Variants in ELL2 observed in about 807,000 individuals in gnomAD.
ELL2 encodes the protein RNA polymerase II elongation factor ELL2.
Under a neutral mutation model 72.8 loss-of-function variants are expected in ELL2, and 21 were observed. The observed-to-expected ratio is 0.29, with a 90% CI of 0.20 to 0.42. The LOEUF is 0.42. ELL2 is among the 10% of genes least tolerant of loss of function. The pLI is 1.00. For missense variants in ELL2, 568 were observed against 772.8 expected (o/e 0.73, Z 3.14); for synonymous variants, 266 against 283.2 (o/e 0.94, Z 0.61).
chr5:95,891,006 AC>A (rs763923507), intron 10 of ELL2, 96 bp downstream of exon 10: 3 of 1,437,586 alleles, frequency 2.1e-6, no homozygotes, highest in South Asian at 2.3e-5. Context: ...AAGAGTACTT[AC>A]TCTAAAGGCC....
At chr5:95,928,701 G>C (rs539538080) in intron 2 of ELL2, among the ~76,000 whole-genome samples, 1 of 151,978 alleles carries the variant, frequency 6.6e-6, no homozygotes, top group African/African-American at 2.4e-5. Flanking sequence ...CTTGGTTTTC[G>C]ACCTCCACTT....
chr5:95,895,841 A>G, intron 8 of ELL2, 150 bp from the exon 9 acceptor site: 1 of 707,700 alleles, frequency 1.4e-6, no homozygotes, highest in East Asian at 2.7e-5. Context: ...AAGGAATACA[A>G]TTGAACATGA....
chr5:95,939,143 A>T (rs575667519), intron 2 of ELL2, among the ~76,000 whole-genome samples: 1 of 152,378 alleles, frequency 6.6e-6, no homozygotes, highest in Admixed American at 6.5e-5. Context: ...TATTGCCAAG[A>T]TGTGACATTT....
At chr5:95,946,484 C>T (rs1056926402) in intron 1 of ELL2, among the ~76,000 whole-genome samples, 11 of 152,138 alleles carry the variant, frequency 7.2e-5, no homozygotes, top group Non-Finnish European at 1.2e-4. Flanking sequence ...ATGGCTTTTT[C>T]CCTTCCTTGA....
chr5:95,919,538 T>C lies in ELL2; in HGVS notation c.203A>G (p.Lys68Arg), dbSNP rs778166186. 2.1e-5 allele frequency: 33 copies of C among 1,565,650 alleles called. No homozygotes were observed. Among genetic ancestry groups the C allele is most frequent in the East Asian group, 7.1e-5 (3 of 42,216 alleles). ...IQFQGLHGLV[K>R]IPKNDPLNEV... ...ATTGAGGGGATCATTTTTGGGAATT[T>C]TGACAAGCTAAAATGAGGGGAAAAG... The change falls in exon 3 of 12, where the codon AAA (lysine) becomes AGA (arginine). Residue 68 changes from lysine (K) to arginine (R), a missense_variant. This residue lies in a region of ELL2 where 511 missense variants were observed against 728.4 expected (regional missense o/e 0.70). Coordinates refer to ENST00000237853, the MANE Select transcript of ELL2 (RefSeq NM_012081.6).
chr5:95,938,853 C>T (rs1750870712), intron 2 of ELL2, among the ~76,000 whole-genome samples: 1 of 152,088 alleles, frequency 6.6e-6, no homozygotes. Context: ...ATAACAAATA[C>T]TGAGTTAATA....
At position 95,930,909 on chromosome 5, in the gene ELL2, A is replaced by AT. The variant is rs11320626; in HGVS notation, c.196-11365dup. Among the ~76,000 whole-genome samples, 85 of 150,782 alleles carry AT rather than the reference A, an allele frequency of 5.6e-4. No homozygotes were observed. The East Asian group carries it at 8.2e-3, about 14-fold the overall frequency. On this transcript the variant is annotated intron_variant, in intron 2 of 11. Coordinates refer to ENST00000237853, the MANE Select transcript of ELL2 (RefSeq NM_012081.6). ...GTAAAAATATGCACCATTTTGTGCC[A>AT]TTTTTTTTTTATGAGAATTGGTGCC...
At chr5:95,958,873 A>G (rs1227506800) in intron 1 of ELL2, among the ~76,000 whole-genome samples, 1 of 151,994 alleles carries the variant, frequency 6.6e-6, no homozygotes, top group African/African-American at 2.4e-5. Flanking sequence ...AAACAAAGAC[A>G]TTGACGACTT....
chr5:95,895,746 T>G (rs1372184361), intron 8 of ELL2, 55 bp from the exon 9 acceptor site: 1 of 1,322,910 alleles, frequency 7.6e-7, no homozygotes, highest in Non-Finnish European at 1.1e-6. Flanking sequence ...GGTTATCAAA[T>G]GCCTGTAATT....
At chr5:95,893,705 G>C (rs2112268843) in intron 9 of ELL2, among the ~76,000 whole-genome samples, 1 of 152,272 alleles carries the variant, frequency 6.6e-6, no homozygotes. Flanking sequence ...AGGTTTTATA[G>C]TATATCCCTT....
intron 1 of ELL2, among the ~76,000 whole-genome samples, chr5:95,954,638 C>T (rs1751563311): frequency 8.6e-6 from 1 of 116,678 alleles, no homozygotes; most frequent in Admixed American, 1.1e-4. Context: ...GACAGGGTTT[C>T]ACCGTGTTAG....
intron 2 of ELL2, among the ~76,000 whole-genome samples, chr5:95,941,237 TA>T (rs1319478832): frequency 2.0e-5 from 3 of 152,094 alleles, no homozygotes; most frequent in Non-Finnish European, 4.4e-5. Flanking sequence ...CATTTATATC[TA>T]AATTGCTTCC....
At chr5:95,946,487 T>C (rs929685651) in intron 1 of ELL2, among the ~76,000 whole-genome samples, 6 of 152,184 alleles carry the variant, frequency 3.9e-5, no homozygotes, top group Admixed American at 3.3e-4. Flanking sequence ...GCTTTTTCCC[T>C]TCCTTGAAGT....
chr5:95,903,793 G>A (rs185768447), intron 5 of ELL2, among the ~76,000 whole-genome samples: 20 of 152,168 alleles, frequency 1.3e-4, no homozygotes, highest in African/African-American at 4.1e-4. Flanking sequence ...ATGTCTAATA[G>A]ACATCTTCCA....
At chr5:95,951,561 G>A (rs1425846773) in intron 1 of ELL2, among the ~76,000 whole-genome samples, 1 of 151,926 alleles carries the variant, frequency 6.6e-6, no homozygotes, top group African/African-American at 2.4e-5. Flanking sequence ...AGAAGTATAA[G>A]GAGAAGTGGT....
intron 1 of ELL2, among the ~76,000 whole-genome samples, chr5:95,944,966 C>T (rs1202908288): frequency 6.6e-6 from 1 of 152,218 alleles, no homozygotes; most frequent in Non-Finnish European, 1.5e-5. Context: ...GTCCTCCCAG[C>T]TCTCTGATCA....
chr5:95,909,758 T>G (rs532882785), intron 4 of ELL2, among the ~76,000 whole-genome samples: 1 of 152,272 alleles, frequency 6.6e-6, no homozygotes, highest in Non-Finnish European at 1.5e-5. Flanking sequence ...AAATCGCTGT[T>G]TCATAACAAG....
chr5:95,898,179 A>G, intron 8 of ELL2, 61 bp downstream of exon 8: 1 of 1,328,088 alleles, frequency 7.5e-7, no homozygotes, highest in Non-Finnish European at 1.0e-6. Flanking sequence ...TACTAATTAT[A>G]AACTGTGTAA....
At position 95,914,029 on chromosome 5, in the gene ELL2, C is replaced by G. The variant is rs561176486; in HGVS notation, c.318-95G>C. The stretch of plus-strand genomic sequence containing the variant: ...TATAATCCTAAAATCAGCAGCCCAA[C>G]TAAGTTTGCAATCCTAAAATAACTA... On this transcript the variant is annotated intron_variant, in intron 3 of 11. Transcript: ENST00000237853. 1,464 of 1,176,892 alleles carry G rather than the reference C, an allele frequency of 1.2e-3. 10 individuals are homozygous for G. Among genetic ancestry groups the G allele is most frequent in the Middle Eastern group, 2.3e-3 (11 of 4,794 alleles). 72.9% of individuals were successfully genotyped at this position (1,176,892 alleles called of 1,614,324 possible). A position where few individuals can be genotyped will look rare whatever the true frequency, so the allele number is the denominator to read the frequency against.
Sources: gnomAD v4.1 joint callset for allele counts (sites outside exome capture counted in the v4.1 genomes callset) on GRCh38, gnomAD v4.1.1 for gene constraint, gnomAD v4.1.1 regional missense constraint, MANE v1.5 for transcripts, NCBI Gene and HGNC (gene_info 2026-07-23, HGNC 2026-07-21) for gene names.